Variants in SFMBT2 observed in about 807,000 individuals in gnomAD.
SFMBT2 encodes Scm like with four mbt domains 2.
A neutral mutation model predicts 110.1 loss-of-function variants in SFMBT2; 38 were observed. The observed-to-expected ratio is 0.35, with a 90% CI of 0.27 to 0.45. The LOEUF is 0.45. SFMBT2 is among the 20% of genes least tolerant of loss of function. The pLI, the probability that SFMBT2 is intolerant of heterozygous loss-of-function variation, is 1.00. For synonymous variants in SFMBT2, 425 were observed against 425.4 expected (o/e 1.00, Z 0.01); for missense variants, 1,011 against 1,094.9 (o/e 0.92, Z 1.08).
chr10:7,349,983 C>T (rs576861086), intron 4 of SFMBT2, among the ~76,000 whole-genome samples: 1 of 152,254 alleles, frequency 6.6e-6, no homozygotes, highest in African/African-American at 2.4e-5. Flanking sequence ...CTCATAGGCG[C>T]ATGCTGACAT....
chr10:7,226,980 T>A (rs943719924), intron 10 of SFMBT2, among the ~76,000 whole-genome samples: 2 of 152,094 alleles, frequency 1.3e-5, no homozygotes, highest in African/African-American at 4.8e-5. Context: ...CATAACCCCA[T>A]CATTAAGCAA....
chr10:7,186,459 C>CACACACACATAT (rs748644225), intron 16 of SFMBT2, among the ~76,000 whole-genome samples: 81 of 126,896 alleles, frequency 6.4e-4, no homozygotes, highest in African/African-American at 2.4e-3. Context: ...CACACACACA[C>CACACACACATAT]ATATATATAT....
chr10:7,204,294 T>C, intron 12 of SFMBT2: 5 of 967,036 alleles, frequency 5.2e-6, no homozygotes, highest in Non-Finnish European at 6.1e-6. Flanking sequence ...CATCAGGGAA[T>C]GTGAAGTCAG....
At chr10:7,204,519 GATTT>G (rs78420917) in intron 12 of SFMBT2, 818,587 of 959,944 alleles carry the variant, frequency 0.85, 350,544 homozygotes, top group East Asian at 1. Context: ...TAAACGCAAT[GATTT>G]ATTAGGTTAG....
At chr10:7,368,426 T>C (rs1844970006) in intron 3 of SFMBT2, 2 of 917,026 alleles carry the variant, frequency 2.2e-6, no homozygotes, top group African/African-American at 3.6e-5. Context: ...TGGTGGGTCT[T>C]AACATTGCAA....
intron 7 of SFMBT2, among the ~76,000 whole-genome samples, chr10:7,254,062 G>A (rs1840911399): frequency 6.6e-6 from 1 of 152,116 alleles, no homozygotes; most frequent in Non-Finnish European, 1.5e-5. Context: ...TCTGGCCATT[G>A]GAGAACTTTA....
At chr10:7,342,821 A>G (rs577589048) in intron 4 of SFMBT2, among the ~76,000 whole-genome samples, 1 of 152,232 alleles carries the variant, frequency 6.6e-6, no homozygotes, top group African/African-American at 2.4e-5. Context: ...CTGGGAAATG[A>G]GCCAAAACAT....
chr10:7,348,500 A>T (rs138449574), intron 4 of SFMBT2, among the ~76,000 whole-genome samples: 1 of 152,316 alleles, frequency 6.6e-6, no homozygotes, highest in East Asian at 1.9e-4. Flanking sequence ...GTTAGTTGAG[A>T]AGAGATCATC....
chr10:7,205,007 G>A (rs565953009), intron 12 of SFMBT2: 21 of 777,350 alleles, frequency 2.7e-5, no homozygotes, highest in African/African-American at 1.5e-4. Flanking sequence ...CCAAAGGGAC[G>A]TGTGGTAATA....
intron 11 of SFMBT2, chr10:7,206,640 A>C (rs1399775392): frequency 2.1e-5 from 19 of 926,712 alleles, no homozygotes; most frequent in Non-Finnish European, 2.4e-5. Flanking sequence ...GTCACATCCT[A>C]TTTCGTAATT....
intron 7 of SFMBT2, among the ~76,000 whole-genome samples, chr10:7,256,750 C>G (rs1279006497): frequency 6.6e-6 from 1 of 152,148 alleles, no homozygotes; most frequent in Non-Finnish European, 1.5e-5. Context: ...AAGTCCACAC[C>G]AACCCCAGCC....
Position 7,361,482 on chromosome 10 carries a change from C to T in SFMBT2, c.436+6167G>A, listed in dbSNP as rs117611063. On this transcript the variant is annotated intron_variant, in intron 4 of 20. Coordinates refer to ENST00000397167, the MANE Select transcript of SFMBT2 (RefSeq NM_001387889.1). ...CAGTAAAAATGGCAATTCCCAAAAA[C>T]GTTCCTAAAACCAGGCTTTAAAACT... Among the ~76,000 whole-genome samples the T allele has an allele frequency of 3.8e-3, 583 of 152,266 alleles. 4 individuals are homozygous for T. The highest frequency in any genetic ancestry group is 6.6e-3 in the Non-Finnish European group (452 of 68,022).
At chr10:7,260,183 G>C (rs34738037) in intron 7 of SFMBT2, among the ~76,000 whole-genome samples, 28,889 of 152,084 alleles carry the variant, frequency 0.19, 3,475 homozygotes, top group South Asian at 0.38. Context: ...CAGACAAGCA[G>C]ACCAGTCACC....
At chr10:7,318,334 C>T (rs1382190099) in intron 4 of SFMBT2, among the ~76,000 whole-genome samples, 1 of 152,192 alleles carries the variant, frequency 6.6e-6, no homozygotes, top group African/African-American at 2.4e-5. Flanking sequence ...TGTAAAACCA[C>T]AGATATCCTT....
intron 4 of SFMBT2, among the ~76,000 whole-genome samples, chr10:7,315,124 AAGCC>A (rs374731654): frequency 0.011 from 1,604 of 148,354 alleles, 59 homozygotes; most frequent in African/African-American, 0.037. Flanking sequence ...GCAAGCAAGC[AAGCC>A]AGCCAATCCG....
chr10:7,233,516 C>T (rs1840170833), intron 9 of SFMBT2, among the ~76,000 whole-genome samples: 1 of 152,184 alleles, frequency 6.6e-6, no homozygotes, highest in South Asian at 2.1e-4. Context: ...AAATAGCAAG[C>T]TTATTTAGTT....
chr10:7,202,473 C>A lies in SFMBT2; in HGVS notation c.1487+7G>T, dbSNP rs780440812. ...CAGTGTAGTCTGGAGGGGAAAAAAGCACGTACTGTTTCTCTGGTTGCACGA... is the reference window on the plus strand; with the variant it reads ...CAGTGTAGTCTGGAGGGGAAAAAAGAACGTACTGTTTCTCTGGTTGCACGA... On this transcript the variant is annotated splice_region_variant and intron_variant, in intron 13 of 20. Coordinates refer to ENST00000397167, the MANE Select transcript of SFMBT2 (RefSeq NM_001387889.1). 1 of 1,614,016 alleles carries A rather than the reference C, an allele frequency of 6.2e-7. No individual in the cohort carries two copies. The highest frequency in any genetic ancestry group is 1.3e-5 in the African/African-American group (1 of 74,908).
intron 4 of SFMBT2, among the ~76,000 whole-genome samples, chr10:7,330,926 A>G (rs1399414456): frequency 4.6e-5 from 7 of 152,256 alleles, no homozygotes; most frequent in Non-Finnish European, 8.8e-5. Context: ...GAAGGGGGAC[A>G]GGCAGCAGTT....
At chr10:7,327,331 G>A (rs1364377802) in intron 4 of SFMBT2, among the ~76,000 whole-genome samples, 6 of 150,510 alleles carry the variant, frequency 4.0e-5, no homozygotes, top group South Asian at 2.1e-4. Flanking sequence ...TCATCACCCC[G>A]AAAAAAAAAT....
Sources: gnomAD v4.1 joint callset for allele counts (sites outside exome capture counted in the v4.1 genomes callset) on GRCh38, gnomAD v4.1.1 for gene constraint, MANE v1.5 for transcripts, NCBI Gene and HGNC (gene_info 2026-07-23, HGNC 2026-07-21) for gene names.